The following TNFAIP8 variants were observed in gnomAD, a reference collection of about 807,000 sequenced individuals.
The protein encoded by TNFAIP8 is TNF alpha induced protein 8.
In TNFAIP8, 7 loss-of-function variants were observed where a neutral mutation model predicts 13.3. That is an observed-to-expected ratio of 0.52 (90% CI 0.30 to 0.99). TNFAIP8 has a LOEUF of 0.99. Ranked by LOEUF, TNFAIP8 falls within the 50% of genes least tolerant of loss-of-function variation. The pLI is 0.07. For missense variants in TNFAIP8, 258 were observed against 236.9 expected (o/e 1.09, Z -0.58); for synonymous variants, 94 against 87.6 (o/e 1.07, Z -0.41).
chr5:119,294,824 C>T (rs1749116595), intron 1 of TNFAIP8, among the ~76,000 whole-genome samples: 1 of 152,028 alleles, frequency 6.6e-6, no homozygotes, highest in Non-Finnish European at 1.5e-5. Flanking sequence ...TGTCTTTTGG[C>T]TGCATAAATG....
chr5:119,390,577 C>T (rs1244431988), intron 1 of TNFAIP8, among the ~76,000 whole-genome samples: 1 of 152,102 alleles, frequency 6.6e-6, no homozygotes, highest in South Asian at 2.1e-4. Context: ...TTCTCTTTTT[C>T]AAAATATATT....
intron 1 of TNFAIP8, among the ~76,000 whole-genome samples, chr5:119,336,107 G>A (rs1056221368): frequency 6.6e-6 from 1 of 152,122 alleles, no homozygotes; most frequent in Non-Finnish European, 1.5e-5. Context: ...GGAGAGATGA[G>A]TCAGAGAGGT....
At position 119,383,978 on chromosome 5, in the gene TNFAIP8, A is replaced by T. The variant is rs1047253912; in HGVS notation, c.32-8838A>T. Among the ~76,000 whole-genome samples, 3 of 152,120 alleles carry T rather than the reference A, an allele frequency of 2.0e-5. No homozygotes were observed. In the South Asian group the frequency reaches 6.2e-4, roughly 32 times the overall value. ...ACTTCACTTAGCTAGACATTATTAGATCTTCCTATACTAAAAGAAGAGGAA... is the reference window on the plus strand; with the variant it reads ...ACTTCACTTAGCTAGACATTATTAGTTCTTCCTATACTAAAAGAAGAGGAA... On this transcript the variant is annotated intron_variant, in intron 1 of 1. Transcript: ENST00000504771.
chr5:119,332,686 A>C (rs6868688), intron 1 of TNFAIP8, among the ~76,000 whole-genome samples: 15,952 of 152,226 alleles, frequency 0.1, 1,024 homozygotes, highest in African/African-American at 0.2. Flanking sequence ...AGGGATCACC[A>C]AAGAAAAGCC....
chr5:119,379,545 G>T (rs1311231920), intron 1 of TNFAIP8, among the ~76,000 whole-genome samples: 2 of 152,110 alleles, frequency 1.3e-5, no homozygotes, highest in Admixed American at 6.5e-5. Flanking sequence ...TTTAGTTTCT[G>T]TTCCCTGATG....
intron 1 of TNFAIP8, among the ~76,000 whole-genome samples, chr5:119,304,361 C>G (rs537234545): frequency 8.9e-4 from 135 of 152,294 alleles, no homozygotes; most frequent in African/African-American, 3.1e-3. Flanking sequence ...GCCTCTTTAT[C>G]TGGTTCCTGT....
intron 1 of TNFAIP8, among the ~76,000 whole-genome samples, chr5:119,310,791 C>T (rs957220370): frequency 2.0e-5 from 3 of 152,108 alleles, no homozygotes; most frequent in Non-Finnish European, 2.9e-5. Flanking sequence ...TGCGCCACTG[C>T]ACTCCAGCTT....
intron 1 of TNFAIP8, among the ~76,000 whole-genome samples, chr5:119,301,144 T>C (rs949025028): frequency 4.6e-5 from 7 of 152,214 alleles, no homozygotes; most frequent in African/African-American, 1.4e-4. Context: ...ACTTCTTATG[T>C]AAAAACCCTC....
Position 119,366,061 on chromosome 5 carries a change from G to A in TNFAIP8, c.31+9940G>A, listed in dbSNP as rs979932507. 3.3e-5 allele frequency among the ~76,000 whole-genome samples: 5 copies of A among 151,854 alleles called. No homozygotes were observed. In the East Asian group the frequency reaches 5.8e-4, roughly 18 times the overall value. On this transcript the variant is annotated intron_variant, in intron 1 of 1. Transcript: ENST00000504771. ...AGGGTGTGAGAGCAACAGGGTGGGTGGGATCCAGGCCTGATGAGAGCCTCC... is the reference window on the plus strand; with the variant it reads ...AGGGTGTGAGAGCAACAGGGTGGGTAGGATCCAGGCCTGATGAGAGCCTCC...
chr5:119,311,688 CAAAAAAA>C (rs55965350), intron 1 of TNFAIP8, among the ~76,000 whole-genome samples: 47 of 66,668 alleles, frequency 7.0e-4, no homozygotes, highest in Middle Eastern at 0.013. Flanking sequence ...GACTCCGTCT[CAAAAAAA>C]AAAAAAAAAA....
At chr5:119,318,964 A>G (rs1293301127) in intron 1 of TNFAIP8, among the ~76,000 whole-genome samples, 1 of 152,110 alleles carries the variant, frequency 6.6e-6, no homozygotes, top group Non-Finnish European at 1.5e-5. Context: ...AGCTCATATG[A>G]TATTTGGCAT....
intron 1 of TNFAIP8, among the ~76,000 whole-genome samples, chr5:119,371,057 G>A (rs1272557962): frequency 1.3e-5 from 2 of 152,178 alleles, no homozygotes; most frequent in Non-Finnish European, 2.9e-5. Context: ...ATGTTAGCTA[G>A]TGTCAAAACA....
upstream of TNFAIP8, among the ~76,000 whole-genome samples, chr5:119,354,027 A>T (rs1454802951): frequency 1.3e-5 from 2 of 152,212 alleles, no homozygotes; most frequent in African/African-American, 4.8e-5. Context: ...GATAGATGGT[A>T]TAGGGAGAGA....
chr5:119,378,988 A>T (rs1350070499), intron 1 of TNFAIP8, among the ~76,000 whole-genome samples: 2 of 152,204 alleles, frequency 1.3e-5, no homozygotes, highest in Non-Finnish European at 2.9e-5. Context: ...TCTTGAGCCC[A>T]GGAGTTCAAG....
rs369994167 is a variant in TNFAIP8, at chr5:119,314,375, A to G, written c.1+45468A>G. Reference sequence around the variant, plus strand: ...TAGTGGTAAGACCAGGTTTTCCCGGATATGTTCATATGTTCTGTGAAATGT... The same window carrying G: ...TAGTGGTAAGACCAGGTTTTCCCGGGTATGTTCATATGTTCTGTGAAATGT... On this transcript the variant is annotated intron_variant, in intron 1 of 1. Transcript: ENST00000274456. Among the ~76,000 whole-genome samples, 66 of 152,302 alleles carry G rather than the reference A, an allele frequency of 4.3e-4. No individual in the cohort carries two copies. The South Asian group carries it at 0.013, about 30-fold the overall frequency.
At chr5:119,371,001 A>G (rs1752049457) in intron 1 of TNFAIP8, among the ~76,000 whole-genome samples, 1 of 152,308 alleles carries the variant, frequency 6.6e-6, no homozygotes, top group South Asian at 2.1e-4. Context: ...AATGGAAGAA[A>G]ATTACTTCAT....
chr5:119,388,981 A>T (rs1377267108), intron 1 of TNFAIP8, among the ~76,000 whole-genome samples: 1 of 152,012 alleles, frequency 6.6e-6, no homozygotes, highest in South Asian at 2.1e-4. Context: ...TCTGGCTGAT[A>T]TGTGAAAAGA....
At chr5:119,292,643 AGCATATATATATATATAT>A (rs1262897798) in intron 1 of TNFAIP8, among the ~76,000 whole-genome samples, 3 of 48,002 alleles carry the variant, frequency 6.2e-5, no homozygotes, top group African/African-American at 1.7e-4. Context: ...TAATCAATGT[AGCATATATATATATATAT>A]ATATATATAT....
At chr5:119,342,885 C>A (rs940689792) in intron 1 of TNFAIP8, among the ~76,000 whole-genome samples, 3 of 152,168 alleles carry the variant, frequency 2.0e-5, no homozygotes, top group African/African-American at 7.2e-5. Flanking sequence ...TTATCGCCTG[C>A]ATGTCTTTAG....
Sources: gnomAD v4.1 joint callset for allele counts (sites outside exome capture counted in the v4.1 genomes callset) on GRCh38, gnomAD v4.1.1 for gene constraint, MANE v1.5 for transcripts, NCBI Gene and HGNC (gene_info 2026-07-23, HGNC 2026-07-21) for gene names.